The following GIPC2 variants were observed in gnomAD, a reference collection of about 807,000 sequenced individuals.
GIPC2 encodes GIPC PDZ domain containing family member 2.
A neutral mutation model predicts 30.6 loss-of-function variants in GIPC2; 30 were observed. The ratio of observed to expected loss-of-function variants is 0.98; its 90% confidence interval spans 0.73 to 1.33. The LOEUF (loss-of-function observed/expected upper bound fraction) is 1.33. Among genes scored for constraint, GIPC2 ranks in the 40% most tolerant of loss-of-function variants. The probability of loss-of-function intolerance (pLI) is 0.00; values close to 1 mark genes in which losing one functional copy is unlikely to be tolerated. For synonymous variants in GIPC2, 167 were observed against 150.0 expected (o/e 1.11, Z -0.83); for missense variants, 414 against 390.3 (o/e 1.06, Z -0.51).
Position 78,136,210 on chromosome 1 carries a change from T to A in GIPC2, c.*467T>A, listed in dbSNP as rs1277582365. ...TGTTCAGGAAATGAAAGGTGAATTATGCCCCTTATTGGTCTAGAAGCATTG... is the reference window on the plus strand; with the variant it reads ...TGTTCAGGAAATGAAAGGTGAATTAAGCCCCTTATTGGTCTAGAAGCATTG... On this transcript the variant is annotated 3_prime_UTR_variant, in exon 6 of 6. Transcript: ENST00000370759. 6.6e-6 allele frequency: 1 copy of A among 152,534 alleles called. No homozygotes were observed. Among genetic ancestry groups the A allele is most frequent in the Non-Finnish European group, 1.5e-5 (1 of 68,270 alleles). The allele number at this position is 152,534 out of a possible 1,614,324, so 9.4% of individuals were successfully genotyped here. A position where few individuals can be genotyped will look rare whatever the true frequency, so the allele number is the denominator to read the frequency against.
At chr1:78,049,652 A>G (rs1661158671) in intron 1 of GIPC2, among the ~76,000 whole-genome samples, 1 of 152,218 alleles carries the variant, frequency 6.6e-6, no homozygotes, top group African/African-American at 2.4e-5. Flanking sequence ...GCAGATAATC[A>G]GGGCCCATAA....
At chr1:78,052,854 A>G (rs926227977) in intron 1 of GIPC2, among the ~76,000 whole-genome samples, 1 of 152,180 alleles carries the variant, frequency 6.6e-6, no homozygotes, top group Non-Finnish European at 1.5e-5. Context: ...AGCTCTTTTG[A>G]AAGTCAATAT....
rs76877249 is a variant in GIPC2, at chr1:78,055,877, C to T, written c.240+9543C>T. Among the ~76,000 whole-genome samples the T allele has an allele frequency of 6.8e-4, 103 of 152,242 alleles. No individual in the cohort carries two copies. The East Asian group carries it at 0.016, about 23-fold the overall frequency. On this transcript the variant is annotated intron_variant, in intron 1 of 5. Transcript: ENST00000370759. ...TCTGAGACATCTTGATTTAGGGGAA[C>T]GTAAATGGCAGACACCTTCCATGGC...
chr1:78,068,879 C>T (rs748238652), intron 1 of GIPC2, among the ~76,000 whole-genome samples: 12 of 152,152 alleles, frequency 7.9e-5, no homozygotes, highest in Non-Finnish European at 1.0e-4. Flanking sequence ...ACTGGTACTC[C>T]TCATCCTGGC....
chr1:78,134,344 A>G (rs1473597049), intron 5 of GIPC2, among the ~76,000 whole-genome samples: 1 of 148,674 alleles, frequency 6.7e-6, no homozygotes. Flanking sequence ...GTGTGTATGT[A>G]TGTGTGTGTG....
chr1:78,064,157 C>T (rs1342227684), intron 1 of GIPC2, among the ~76,000 whole-genome samples: 1 of 152,112 alleles, frequency 6.6e-6, no homozygotes, highest in Non-Finnish European at 1.5e-5. Flanking sequence ...TACAGTCTTC[C>T]CTTGATTTAC....
At chr1:78,084,588 T>C (rs1337688069) in intron 2 of GIPC2, among the ~76,000 whole-genome samples, 8 of 152,112 alleles carry the variant, frequency 5.3e-5, no homozygotes, top group Non-Finnish European at 1.2e-4. Context: ...ATTTCTTGGC[T>C]TCCCCATCAA....
chr1:78,100,940 ATACACACAC>A (rs774785368), intron 3 of GIPC2, among the ~76,000 whole-genome samples: 19,647 of 113,238 alleles, frequency 0.17, 1,788 homozygotes, highest in East Asian at 0.49. Context: ...AAAAAAAAAA[ATACACACAC>A]ACACACACAC....
intron 5 of GIPC2, among the ~76,000 whole-genome samples, chr1:78,128,602 C>T (rs599730): frequency 0.25 from 37,576 of 152,044 alleles, 5,056 homozygotes; most frequent in East Asian, 0.62. Flanking sequence ...TTTTTCCATA[C>T]AGGAGGGAAG....
intron 4 of GIPC2, among the ~76,000 whole-genome samples, chr1:78,119,753 A>G (rs1662643370): frequency 1.3e-5 from 2 of 152,214 alleles, no homozygotes; most frequent in South Asian, 4.1e-4. Context: ...AACTTAAGTC[A>G]ACCAAAGCTC....
intron 4 of GIPC2, among the ~76,000 whole-genome samples, chr1:78,121,324 G>A (rs557897745): frequency 7.9e-5 from 12 of 152,158 alleles, no homozygotes; most frequent in Admixed American, 2.0e-4. Context: ...AGCTCGGGGG[G>A]GCAGGGGCAA....
intron 1 of GIPC2, among the ~76,000 whole-genome samples, chr1:78,064,208 G>A (rs1021375162): frequency 2.6e-5 from 4 of 152,176 alleles, no homozygotes; most frequent in African/African-American, 7.2e-5. Flanking sequence ...TAAAAAATAC[G>A]CTGTGTGTAA....
intron 1 of GIPC2, among the ~76,000 whole-genome samples, chr1:78,059,107 G>A (rs187313804): frequency 6.6e-6 from 1 of 152,302 alleles, no homozygotes; most frequent in East Asian, 1.9e-4. Flanking sequence ...TCACCTTGGT[G>A]ACCTTTTTAA....
intron 3 of GIPC2, among the ~76,000 whole-genome samples, chr1:78,117,453 C>A (rs1285908050): frequency 6.6e-6 from 1 of 152,214 alleles, no homozygotes; most frequent in Non-Finnish European, 1.5e-5. Flanking sequence ...TGGGATAAAA[C>A]TGTTCCACCT....
intron 1 of GIPC2, among the ~76,000 whole-genome samples, chr1:78,066,957 AAAT>A (rs1409264677): frequency 6.6e-6 from 1 of 152,142 alleles, no homozygotes; most frequent in Non-Finnish European, 1.5e-5. Flanking sequence ...CTGGGTGATG[AAAT>A]AATCTGTACA....
At chr1:78,099,343 C>T (rs540783736) in intron 3 of GIPC2, among the ~76,000 whole-genome samples, 22 of 151,550 alleles carry the variant, frequency 1.5e-4, no homozygotes, top group Admixed American at 7.9e-4. Context: ...TTAATAAAGG[C>T]GATTAGAGGT....
intron 1 of GIPC2, among the ~76,000 whole-genome samples, chr1:78,073,993 C>G (rs1661668316): frequency 6.6e-6 from 1 of 152,090 alleles, no homozygotes; most frequent in Admixed American, 6.5e-5. Flanking sequence ...AAATGCACAG[C>G]AAGAAAACTG....
intron 1 of GIPC2, among the ~76,000 whole-genome samples, chr1:78,062,376 CCTT>C (rs948302978): frequency 3.9e-5 from 6 of 152,068 alleles, no homozygotes; most frequent in African/African-American, 1.4e-4. Flanking sequence ...TTATTTCCTT[CCTT>C]CTTCTGTGTT....
intron 1 of GIPC2, among the ~76,000 whole-genome samples, chr1:78,071,798 G>A (rs1291155335): frequency 2.0e-5 from 3 of 152,078 alleles, no homozygotes; most frequent in Non-Finnish European, 4.4e-5. Context: ...GAAAAAGCCC[G>A]AATTCTAGTT....
Sources: allele counts gnomAD v4.1 joint callset (sites outside exome capture counted in the v4.1 genomes callset), GRCh38; gene constraint gnomAD v4.1.1; transcripts MANE v1.5; gene names NCBI Gene and HGNC (gene_info 2026-07-23, HGNC 2026-07-21).